The following CDK8 variants were observed in gnomAD, a reference collection of about 807,000 sequenced individuals.
CDK8 encodes cyclin-dependent kinase 8.
Under a neutral mutation model 71.5 loss-of-function variants are expected in CDK8, and 29 were observed. That is an observed-to-expected ratio of 0.41 (90% confidence interval 0.30 to 0.55). The LOEUF (loss-of-function observed/expected upper bound fraction) is 0.55. Ranked by LOEUF, CDK8 falls within the 20% of genes least tolerant of loss-of-function variation. CDK8 has a pLI of 0.37. For synonymous variants in CDK8, 161 were observed against 192.1 expected, an observed-to-expected ratio of 0.84 and a Z score of 1.34; for missense variants, 288 against 572.6, an observed-to-expected ratio of 0.50 and a Z score of 5.07.
intron 1 of CDK8, among the ~76,000 whole-genome samples, chr13:26,295,808 A>G (rs1873530149): frequency 6.6e-6 from 1 of 152,180 alleles, no homozygotes; most frequent in South Asian, 2.1e-4. Context: ...GAATATGATC[A>G]ATCCAGTTAT....
chr13:26,364,052 C>T (rs1874268040), intron 4 of CDK8, among the ~76,000 whole-genome samples: 1 of 152,128 alleles, frequency 6.6e-6, no homozygotes, highest in Non-Finnish European at 1.5e-5. Context: ...ATTGTCTGCT[C>T]AACTCTACTA....
Position 26,371,479 on chromosome 13 carries a change from C to T in CDK8, c.457-11335C>T, listed in dbSNP as rs148450194. 6.8e-3 allele frequency among the ~76,000 whole-genome samples: 1,035 copies of T among 152,168 alleles called. 8 individuals are homozygous for T. Among genetic ancestry groups the T allele is most frequent in the Middle Eastern group, 0.024 (7 of 294 alleles). On this transcript the variant is annotated intron_variant, in intron 4 of 12. Transcript: ENST00000381527. The stretch of plus-strand genomic sequence containing the variant: ...GTGTCTCTTGGAATATGGAAGTTAT[C>T]GTCATACTATCAGATATAGTTTATT...
intron 7 of CDK8, among the ~76,000 whole-genome samples, chr13:26,395,465 T>G (rs1875945141): frequency 6.9e-6 from 1 of 145,438 alleles, no homozygotes; most frequent in African/African-American, 2.5e-5. Context: ...CCTGGGCTGT[T>G]AACAAGAGCG....
At chr13:26,276,892 A>C (rs966725119) in intron 1 of CDK8, among the ~76,000 whole-genome samples, 2 of 152,224 alleles carry the variant, frequency 1.3e-5, no homozygotes, top group Non-Finnish European at 2.9e-5. Flanking sequence ...ATTCAATAAA[A>C]ACAACCAAAT....
intron 1 of CDK8, among the ~76,000 whole-genome samples, chr13:26,278,427 C>T (rs1342317603): frequency 2.6e-5 from 4 of 152,006 alleles, no homozygotes; most frequent in Non-Finnish European, 5.9e-5. Context: ...CTCTAATCCT[C>T]CGACCACCGT....
At chr13:26,381,373 T>C (rs1408528020) in intron 4 of CDK8, among the ~76,000 whole-genome samples, 1 of 152,120 alleles carries the variant, frequency 6.6e-6, no homozygotes, top group African/African-American at 2.4e-5. Flanking sequence ...CCGTGGTGCA[T>C]GAAAACAATT....
At chr13:26,389,801 C>A (rs189884155) in intron 6 of CDK8, among the ~76,000 whole-genome samples, 175 of 152,026 alleles carry the variant, frequency 1.2e-3, no homozygotes, top group African/African-American at 4.0e-3. Context: ...GGTTCGAGAC[C>A]ACCCTCACCA....
chr13:26,399,092 C>G (rs1053277508), intron 9 of CDK8, among the ~76,000 whole-genome samples: 9 of 151,908 alleles, frequency 5.9e-5, no homozygotes, highest in Non-Finnish European at 1.2e-4. Context: ...TCACTGCAAC[C>G]TCTGCCTCCC....
At chr13:26,327,596 AG>A (rs915339005) in intron 1 of CDK8, among the ~76,000 whole-genome samples, 3 of 152,200 alleles carry the variant, frequency 2.0e-5, no homozygotes, top group African/African-American at 7.2e-5. Context: ...TGGGAGGCTG[AG>A]GCAGGTGGAT....
chr13:26,281,542 A>T (rs533506806), intron 1 of CDK8, among the ~76,000 whole-genome samples: 57 of 152,358 alleles, frequency 3.7e-4, no homozygotes, highest in Non-Finnish European at 6.9e-4. Context: ...AAGGAATCAG[A>T]AAAGTAATTC....
At chr13:26,337,534 T>C in intron 1 of CDK8, 33 bp from the exon 2 acceptor site, 1 of 861,928 alleles carries the variant, frequency 1.2e-6, no homozygotes, top group East Asian at 2.9e-5. Flanking sequence ...AATATAGATT[T>C]ATCTATATAT....
intron 1 of CDK8, among the ~76,000 whole-genome samples, chr13:26,284,521 A>T (rs1416848024): frequency 6.6e-6 from 1 of 152,190 alleles, no homozygotes; most frequent in Non-Finnish European, 1.5e-5. Context: ...TAGAAAATCT[A>T]GAGATGGATA....
intron 1 of CDK8, among the ~76,000 whole-genome samples, chr13:26,277,639 G>A (rs1246119539): frequency 6.6e-6 from 1 of 152,130 alleles, no homozygotes. Context: ...AAGTATAGAA[G>A]ACTGTGATCA....
intron 4 of CDK8, among the ~76,000 whole-genome samples, chr13:26,375,441 A>T (rs945796850): frequency 6.6e-6 from 1 of 152,250 alleles, no homozygotes; most frequent in African/African-American, 2.4e-5. Context: ...CTCTTAAGAT[A>T]CAGACACCCT....
intron 1 of CDK8, among the ~76,000 whole-genome samples, chr13:26,261,478 C>T (rs1490140632): frequency 6.6e-6 from 1 of 152,186 alleles, no homozygotes; most frequent in Non-Finnish European, 1.5e-5. Context: ...CCTCTCTCCC[C>T]AGCCGTTGAC....
At chr13:26,385,060 T>C (rs1875410841) in intron 5 of CDK8, 151 bp from the exon 6 acceptor site, 2 of 631,152 alleles carry the variant, frequency 3.2e-6, no homozygotes, top group Non-Finnish European at 2.7e-6. Context: ...ACTTGCTTTA[T>C]GTAAGACTTC....
Position 26,311,111 on chromosome 13 carries a change from A to C in CDK8, c.129-26456A>C, listed in dbSNP as rs1263633956. ...CTGCAGATTTTTAACATGTATAACA[A>C]AATCTTGAAAATGGTAGCTGTGCAT... is the stretch of plus-strand genomic sequence containing the variant. On this transcript the variant is annotated intron_variant, in intron 1 of 12. Coordinates refer to ENST00000381527, the MANE Select transcript of CDK8 (RefSeq NM_001260.3). 2.6e-5 allele frequency among the ~76,000 whole-genome samples: 4 copies of C among 151,170 alleles called. No homozygotes were observed. In the East Asian group the frequency reaches 5.8e-4, roughly 22 times the overall value.
In CDK8 at chr13:26,345,387, G is replaced by GT. The variant is rs1414185343; in HGVS notation, c.205-3678dup. Among the ~76,000 whole-genome samples, 5 of 151,910 alleles carry GT rather than the reference G, an allele frequency of 3.3e-5. No individual in the cohort carries two copies. In the East Asian group the frequency reaches 5.8e-4, roughly 18 times the overall value. On this transcript the variant is annotated intron_variant, in intron 2 of 12. Transcript: ENST00000381527. ...TATTTAATGAAGTAGATTGGTTTTT[G>GT]TTTTTTTGTATTGAGATGGAGCCTC... is the stretch of plus-strand genomic sequence containing the variant.
chr13:26,293,225 A>G (rs918258998), intron 1 of CDK8, among the ~76,000 whole-genome samples: 1 of 152,058 alleles, frequency 6.6e-6, no homozygotes, highest in Non-Finnish European at 1.5e-5. Context: ...TGTCATCTGA[A>G]TGTTCTTTTT....
Sources: allele counts gnomAD v4.1 joint callset (sites outside exome capture counted in the v4.1 genomes callset), GRCh38; gene constraint gnomAD v4.1.1; transcripts MANE v1.5; gene names NCBI Gene and HGNC (gene_info 2026-07-23, HGNC 2026-07-21).